Variants in GSDME observed in about 807,000 individuals in gnomAD.
GSDME encodes gasdermin-E.
Under a neutral mutation model 47.5 loss-of-function variants are expected in GSDME, and 44 were observed. The ratio of observed to expected loss-of-function variants is 0.93; its 90% confidence interval spans 0.73 to 1.19. GSDME has a LOEUF of 1.19. Ranked by LOEUF, GSDME falls within the 50% of genes most tolerant of loss-of-function variation. The pLI is 0.00. For synonymous variants in GSDME, 258 were observed against 252.8 expected (o/e 1.02, Z -0.20); for missense variants, 663 against 604.2 (o/e 1.10, Z -1.02).
intron 1 of GSDME, among the ~76,000 whole-genome samples, chr7:24,755,575 A>C (rs1027090258): frequency 1.3e-5 from 2 of 152,216 alleles, no homozygotes; most frequent in African/African-American, 4.8e-5. Context: ...TTAAGGAGAA[A>C]TAAACCAACT....
chr7:24,775,415 C>G, the GSDME span, among the ~76,000 whole-genome samples: 1 of 152,358 alleles, frequency 6.6e-6, no homozygotes, highest in African/African-American at 2.4e-5. Context: ...GATATGTTAA[C>G]TAATTTGCCT....
At chr7:24,762,449 A>C (rs1193947646), upstream of GSDME, among the ~76,000 whole-genome samples, 2 of 152,190 alleles carry the variant, frequency 1.3e-5, no homozygotes, top group Non-Finnish European at 2.9e-5. Flanking sequence ...GAGATATACA[A>C]ACTTTTTTCA....
the GSDME span, among the ~76,000 whole-genome samples, chr7:24,775,137 C>A: frequency 1.3e-5 from 2 of 152,138 alleles, no homozygotes; most frequent in African/African-American, 4.8e-5. Context: ...AAGAGGAATT[C>A]CAATACCAAG....
the GSDME span, among the ~76,000 whole-genome samples, chr7:24,763,291 T>C: frequency 6.6e-6 from 1 of 152,036 alleles, no homozygotes; most frequent in Non-Finnish European, 1.5e-5. This position sits in a 1 kb window ranked among gnomAD's most constrained non-coding sequence, Gnocchi z 4.3. Flanking sequence ...GCATACAATT[T>C]TTTTCTTTCC....
In GSDME at chr7:24,744,219, G is replaced by A. The variant is rs963677404; in HGVS notation, c.404+343C>T. 2.2e-5 allele frequency: 6 copies of A among 268,666 alleles called. 1 individual carries two copies. The highest frequency in any genetic ancestry group is 2.0e-4 in the Admixed American group (4 of 20,386). The allele number at this position is 268,666 out of a possible 1,614,324, so 16.6% of individuals were successfully genotyped here. ...CATCAGAAAATTATAGAGCCAGAGG[G>A]GGGTCATGACTTCCTGGCTTCTAAA... On this transcript the variant is annotated intron_variant, in intron 3 of 9. Transcript: ENST00000645220. The surrounding 1 kb of genome is among the most constrained non-coding windows in gnomAD (Gnocchi z 4.5).
In GSDME at chr7:24,726,739, G is replaced by A. The variant is rs1254408951; in HGVS notation, c.405-7521C>T. On this transcript the variant is annotated intron_variant, in intron 3 of 9. Coordinates refer to ENST00000645220, the MANE Select transcript of GSDME (RefSeq NM_001127453.2). This position sits in a 1 kb window ranked among gnomAD's most constrained non-coding sequence, Gnocchi z 5.6. Reference sequence around the variant, plus strand: ...GAAGAATGGCGTTAACCCGGGAGGTGGAACTTGCAGTGAGCCGAGATCGCC... The same window carrying A: ...GAAGAATGGCGTTAACCCGGGAGGTAGAACTTGCAGTGAGCCGAGATCGCC... Among the ~76,000 whole-genome samples, 1 of 151,684 alleles carries A rather than the reference G, an allele frequency of 6.6e-6. No homozygotes were observed. The highest frequency in any genetic ancestry group is 6.6e-5 in the Admixed American group (1 of 15,236).
intron 3 of GSDME, among the ~76,000 whole-genome samples, chr7:24,727,798 T>A (rs1049822224): frequency 1.1e-4 from 17 of 152,364 alleles, no homozygotes; most frequent in African/African-American, 4.1e-4. Context: ...GCCTCCTTCA[T>A]CTGCCGATTT....
At chr7:24,794,538 G>C in the GSDME span, among the ~76,000 whole-genome samples, 1 of 152,098 alleles carries the variant, frequency 6.6e-6, no homozygotes, top group Admixed American at 6.5e-5. Context: ...AAACTGATCT[G>C]GGTGTCCTGA....
chr7:24,734,498 C>T (rs1562706966), intron 3 of GSDME, among the ~76,000 whole-genome samples: 5 of 152,206 alleles, frequency 3.3e-5, no homozygotes, highest in African/African-American at 9.6e-5. Flanking sequence ...ACCTTTCAAA[C>T]AGAAAATTCA....
intron 3 of GSDME, 62 bp from the exon 4 acceptor site, chr7:24,719,280 T>C (rs773993635): frequency 6.4e-7 from 1 of 1,558,544 alleles, no homozygotes; most frequent in Non-Finnish European, 8.7e-7. Flanking sequence ...GTAGTGTGAA[T>C]TTCCTCTTGC....
At chr7:24,773,885 G>T in the GSDME span, among the ~76,000 whole-genome samples, 17 of 152,272 alleles carry the variant, frequency 1.1e-4, no homozygotes, top group Admixed American at 3.9e-4. The surrounding 1 kb of genome is among the most constrained non-coding windows in gnomAD (Gnocchi z 5.4). Context: ...CTAGTTCCCA[G>T]CATAACCACA....
chr7:24,777,057 T>C, the GSDME span, among the ~76,000 whole-genome samples: 2 of 152,294 alleles, frequency 1.3e-5, no homozygotes, highest in African/African-American at 4.8e-5. Flanking sequence ...TTATATTTTC[T>C]CTATTTCTAA....
chr7:24,704,598 A>C (rs568817016), intron 8 of GSDME: 16 of 152,236 alleles, frequency 1.1e-4, no homozygotes, highest in Non-Finnish European at 2.1e-4. Flanking sequence ...TGGTTGAAAA[A>C]TTTAGACATT....
intron 3 of GSDME, among the ~76,000 whole-genome samples, chr7:24,729,996 G>T (rs1005170038): frequency 6.6e-6 from 1 of 152,194 alleles, no homozygotes; most frequent in Non-Finnish European, 1.5e-5. Flanking sequence ...ATATTTAAGA[G>T]GCAGAATCAA....
Position 24,705,883 on chromosome 7 carries a change from T to C in GSDME, c.1183+301A>G, listed in dbSNP as rs1789076592. 1 of 465,836 alleles carries C rather than the reference T, an allele frequency of 2.1e-6. No homozygotes were observed. The highest frequency in any genetic ancestry group is 3.4e-5 in the Admixed American group (1 of 29,660). 28.9% of individuals were successfully genotyped at this position (465,836 alleles called of 1,614,324 possible). On this transcript the variant is annotated intron_variant, in intron 8 of 9. Transcript: ENST00000645220. The surrounding 1 kb of genome is among the most constrained non-coding windows in gnomAD (Gnocchi z 4.1). The stretch of plus-strand genomic sequence containing the variant: ...GGACTCCGGAGTGAACCACAGCCTG[T>C]CAGGGAGATGCTTGCTTTTGTAGGC...
rs761701757 is a variant in GSDME at position 24,735,904 on chromosome 7, G to A, written c.404+8658C>T. Among the ~76,000 whole-genome samples, 6 of 152,060 alleles carry A rather than the reference G, an allele frequency of 3.9e-5. No homozygotes were observed. Among genetic ancestry groups the A allele is most frequent in the Non-Finnish European group, 8.8e-5 (6 of 68,000 alleles). On this transcript the variant is annotated intron_variant, in intron 3 of 9. Coordinates refer to ENST00000645220, the MANE Select transcript of GSDME (RefSeq NM_001127453.2). This position sits in a 1 kb window ranked among gnomAD's most constrained non-coding sequence, Gnocchi z 4.4. The stretch of plus-strand genomic sequence containing the variant: ...GGGACAAAGTTAAGGCGTGGAGTTT[G>A]TATTCATTTTCTTTTTATTTGTTTA...
chr7:24,719,236 A>C lies in GSDME; in HGVS notation c.405-18T>G, dbSNP rs1171379947. 1.2e-6 allele frequency: 2 copies of C among 1,606,112 alleles called. No homozygotes were observed. The highest frequency in any genetic ancestry group is 1.7e-6 in the Non-Finnish European group (2 of 1,179,662). On this transcript the variant is annotated intron_variant, in intron 3 of 9. Coordinates refer to ENST00000645220, the MANE Select transcript of GSDME (RefSeq NM_001127453.2). ...TTATTGTTCTGAAAAAGAAAAACGG[A>C]TGTGAGTGGCTTAGTGCCTCAGGGG...
chr7:24,793,952 T>C, the GSDME span, among the ~76,000 whole-genome samples: 12 of 152,354 alleles, frequency 7.9e-5, no homozygotes, highest in East Asian at 1.9e-4. Context: ...GGAATTTTGA[T>C]AGGAAGGCTA....
At chr7:24,780,362 C>T in the GSDME span, among the ~76,000 whole-genome samples, 3 of 152,170 alleles carry the variant, frequency 2.0e-5, no homozygotes, top group Non-Finnish European at 2.9e-5. The surrounding 1 kb of genome is among the most constrained non-coding windows in gnomAD (Gnocchi z 4.1). Context: ...TCTCCAATGG[C>T]GAGAAAACTC....
Sources: allele counts gnomAD v4.1 joint callset (sites outside exome capture counted in the v4.1 genomes callset), GRCh38; gene constraint gnomAD v4.1.1; non-coding constraint Gnocchi (gnomAD v3.1); transcripts MANE v1.5; gene names NCBI Gene and HGNC (gene_info 2026-07-23, HGNC 2026-07-21).